The following PPP1R16A variants were observed in gnomAD, a reference collection of about 807,000 sequenced individuals.
PPP1R16A encodes myosin phosphatase-targeting subunit 3.
PPP1R16A carries 39 observed loss-of-function variants against 46.6 expected under a neutral mutation model. That is an observed-to-expected ratio of 0.84 (90% CI 0.65 to 1.09). The LOEUF (loss-of-function observed/expected upper bound fraction) is 1.09, where lower values mean the gene tolerates loss of function less well. Ranked by LOEUF, PPP1R16A falls within the 50% of genes least tolerant of loss-of-function variation. The pLI is 0.00. For synonymous variants in PPP1R16A, 413 were observed against 321.5 expected, an observed-to-expected ratio of 1.28 and a Z score of -3.04; for missense variants, 798 against 735.6, an observed-to-expected ratio of 1.08 and a Z score of -0.98.
At chr8:144,498,694 G>T (rs1478319699) in intron 3 of PPP1R16A, 76 bp from the exon 4 acceptor site, 6 of 1,418,138 alleles carry the variant, frequency 4.2e-6, no homozygotes, top group Non-Finnish European at 5.7e-6. Flanking sequence ...TCCTTCCCTG[G>T]GTCCTGGGCC....
At chr8:144,496,177 C>G (rs1267581860) in intron 2 of PPP1R16A, 1 of 152,256 alleles carries the variant, frequency 6.6e-6, no homozygotes, top group Non-Finnish European at 1.5e-5. Flanking sequence ...GGGAACGCCT[C>G]GCTGGGGTGG....
chr8:144,502,106 G>A lies in PPP1R16A; in HGVS notation c.*203G>A. ...TTTATCCTGCAACTCTTGATAAAGGGCTGTTTTGCCATGGAGCCTCGTTGT... is the reference window on the plus strand; with the variant it reads ...TTTATCCTGCAACTCTTGATAAAGGACTGTTTTGCCATGGAGCCTCGTTGT... On this transcript the variant is annotated 3_prime_UTR_variant, in exon 12 of 12. Transcript: ENST00000435887. 1.1e-5 allele frequency: 6 copies of A among 563,842 alleles called. No homozygotes were observed. The highest frequency in any genetic ancestry group is 1.8e-5 in the Non-Finnish European group (6 of 328,672). The allele number at this position is 563,842 out of a possible 1,614,324, so 34.9% of individuals were successfully genotyped here. A position where few individuals can be genotyped will look rare whatever the true frequency, so the allele number is the denominator to read the frequency against.
intron 1 of PPP1R16A, among the ~76,000 whole-genome samples, chr8:144,483,188 C>T (rs753709251): frequency 9.2e-5 from 14 of 152,148 alleles, no homozygotes; most frequent in Admixed American, 2.6e-4. Context: ...GTTCACATGT[C>T]AGTCTTTCTA....
chr8:144,500,245 C>T (rs1826346957), intron 6 of PPP1R16A, 22 bp from the exon 7 acceptor site: 1 of 1,571,888 alleles, frequency 6.4e-7, no homozygotes, highest in South Asian at 1.2e-5. Flanking sequence ...GTCGCGCTCC[C>T]TCTGAGCCTG....
In PPP1R16A at chr8:144,498,848, T is replaced by C; in HGVS notation, c.330+8T>C. 2 of 1,611,374 alleles carry C rather than the reference T, an allele frequency of 1.2e-6. No individual in the cohort carries two copies. Among genetic ancestry groups the C allele is most frequent in the Non-Finnish European group, 8.5e-7 (1 of 1,178,682 alleles). On this transcript the variant is annotated splice_region_variant and intron_variant, in intron 4 of 11. Transcript: ENST00000435887. ...CTGACGGCCCTGCACCAGGTCAGCC[T>C]GCACTGGGTGTGGGCAGGGTGGGGG...
intron 2 of PPP1R16A, among the ~76,000 whole-genome samples, chr8:144,491,559 C>T (rs554894188): frequency 7.9e-5 from 12 of 152,136 alleles, no homozygotes; most frequent in South Asian, 2.1e-4. Context: ...GTCAGGAGAT[C>T]GAGACTATCC....
At chr8:144,498,445 A>C in intron 3 of PPP1R16A, 1 of 386,128 alleles carries the variant, frequency 2.6e-6, no homozygotes, top group South Asian at 3.3e-5. Context: ...GCCTCCAGGC[A>C]GGGAGCTCTT....
At chr8:144,498,069 T>TC (rs1168018361) in intron 3 of PPP1R16A, 1 of 456,008 alleles carries the variant, frequency 2.2e-6, no homozygotes, top group East Asian at 6.9e-5. Context: ...CCCTTGAGAC[T>TC]CCTTCCTGCC....
chr8:144,485,239 AAG>A (rs1825592614), intron 1 of PPP1R16A, among the ~76,000 whole-genome samples: 1 of 134,262 alleles, frequency 7.4e-6, no homozygotes, highest in African/African-American at 2.5e-5. Context: ...AAAAAAAAAA[AAG>A]GCCAGGCGCA....
chr8:144,495,262 C>T (rs1324545873), intron 2 of PPP1R16A, among the ~76,000 whole-genome samples: 1 of 152,134 alleles, frequency 6.6e-6, no homozygotes, highest in African/African-American at 2.4e-5. Context: ...TTAATTTGAC[C>T]TGGCCCAGGA....
At position 144,500,667 on chromosome 8, in the gene PPP1R16A, T is replaced by C. The variant is rs1274239547; in HGVS notation, c.832-19T>C. The C allele has an allele frequency of 1.2e-6, 2 of 1,608,470 alleles. No homozygotes were observed. Among genetic ancestry groups the C allele is most frequent in the African/African-American group, 2.7e-5 (2 of 74,948 alleles). On this transcript the variant is annotated intron_variant, in intron 8 of 11. Transcript: ENST00000435887. ...GGCTTCCAGCGCAGCAGTCTGCAGC[T>C]CCGGCCTGCCGTCCACAGGTGCCCC...
chr8:144,501,670 G>A lies in PPP1R16A; in HGVS notation c.1354G>A (p.Ala452Thr), dbSNP rs917642028. 6.2e-7 allele frequency: 1 copy of A among 1,609,506 alleles called. No homozygotes were observed. The highest frequency in any genetic ancestry group is 1.1e-5 in the South Asian group (1 of 90,302). ...TTPHTLVHDK[A>T]HHTLADLKRQ... ...CCCCCACACCCTGGTCCACGACAAG[G>A]CCCACCACACCCTGGCTGACCTGAA... Residue 452 changes from alanine to threonine, a missense_variant, in exon 12 of 12, where the codon GCC becomes ACC. Coordinates refer to ENST00000435887, the MANE Select transcript of PPP1R16A (RefSeq NM_001329443.2).
chr8:144,489,379 TGAGGGGGGTTGGACTGG>T (rs1825723753), intron 1 of PPP1R16A, among the ~76,000 whole-genome samples: 1 of 30,396 alleles, frequency 3.3e-5, no homozygotes, highest in East Asian at 1.1e-3. Flanking sequence ...GGGGTTGGTC[TGAGGGGGGTTGGACTGG>T]GAGGGGGGTT....
Position 144,498,916 on chromosome 8 carries a change from T to A in PPP1R16A, c.331T>A (p.Cys111Ser), listed in dbSNP as rs1049696787. 1.2e-6 allele frequency: 2 copies of A among 1,612,810 alleles called. No homozygotes were observed. Among genetic ancestry groups the A allele is most frequent in the African/African-American group, 2.7e-5 (2 of 74,956 alleles). The change falls in exon 5 of 12, where the codon TGC becomes AGC. Residue 111 changes from cysteine (C) to serine (S), a missense_variant and splice_region_variant. By Grantham distance (112) the Cys-to-Ser change is moderately radical. Transcript: ENST00000435887. Reference sequence around the variant, plus strand: ...GTCGCTCACGTGGCACGGTTTGCAGTGCTGCATTGATGATTTCCGAGAGAT... The same window carrying A: ...GTCGCTCACGTGGCACGGTTTGCAGAGCTGCATTGATGATTTCCGAGAGAT... ...NEDGLTALHQ[C>S]CIDDFREMVQ...
intron 5 of PPP1R16A, 26 bp downstream of exon 5, chr8:144,499,087 AG>A: frequency 6.4e-7 from 1 of 1,553,194 alleles, no homozygotes; most frequent in African/African-American, 1.3e-5. Context: ...CGTCCTTGGC[AG>A]GGAGAGGCTT....
chr8:144,488,165 G>GA (rs1825684035), intron 1 of PPP1R16A, among the ~76,000 whole-genome samples: 1 of 151,852 alleles, frequency 6.6e-6, no homozygotes, highest in African/African-American at 2.4e-5. Flanking sequence ...AAAGGCAAGG[G>GA]AAGCTCTTTC....
rs752668706 is a variant in PPP1R16A at position 144,501,041 on chromosome 8, A to AGC, written c.1037+71_1037+72dup. 69 of 1,519,214 alleles carry AGC rather than the reference A, an allele frequency of 4.5e-5. No homozygotes were observed. In the African/African-American group the frequency reaches 8.0e-4, roughly 18 times the overall value. The allele number at this position is 1,519,214 out of a possible 1,614,324, so 94.1% of individuals were successfully genotyped here. On this transcript the variant is annotated intron_variant, in intron 10 of 11. Transcript: ENST00000435887. ...GGACGTCAGCCCCGGGCGGAGTGCC[A>AGC]GCCGAACTGGGGGCAGAGTCCGAGG...
chr8:144,490,883 C>T (rs1349767996), intron 2 of PPP1R16A, among the ~76,000 whole-genome samples: 1 of 151,986 alleles, frequency 6.6e-6, no homozygotes, highest in Non-Finnish European at 1.5e-5. Context: ...AGGGAGACCC[C>T]AACTCCACAC....
chr8:144,486,144 T>A (rs764256094), intron 1 of PPP1R16A, among the ~76,000 whole-genome samples: 4 of 152,238 alleles, frequency 2.6e-5, no homozygotes, highest in Non-Finnish European at 5.9e-5. Context: ...TTTGTGTGAC[T>A]TAATTTTTTT....
Sources: gnomAD v4.1 joint callset for allele counts (sites outside exome capture counted in the v4.1 genomes callset) on GRCh38, gnomAD v4.1.1 for gene constraint, MANE v1.5 for transcripts, NCBI Gene and HGNC (gene_info 2026-07-23, HGNC 2026-07-21) for gene names.